The following HECW2 variants were observed in gnomAD, a reference collection of about 807,000 sequenced individuals.
HECW2 encodes E3 ubiquitin-protein ligase HECW2.
In HECW2, 61 loss-of-function variants were observed where a neutral mutation model predicts 175.2. The ratio of observed to expected loss-of-function variants is 0.35; its 90% confidence interval spans 0.28 to 0.43. The LOEUF (loss-of-function observed/expected upper bound fraction) is 0.43. HECW2 is among the 20% of genes least tolerant of loss of function. HECW2 has a pLI of 1.00. For synonymous variants in HECW2, 671 were observed against 731.0 expected, an observed-to-expected ratio of 0.92 and a Z score of 1.32; for missense variants, 1,524 against 2,000.5, an observed-to-expected ratio of 0.76 and a Z score of 4.54.
chr2:196,468,940 T>C (rs1329125839), intron 1 of HECW2, among the ~76,000 whole-genome samples: 1 of 152,218 alleles, frequency 6.6e-6, no homozygotes, highest in Non-Finnish European at 1.5e-5. Flanking sequence ...AAAATGTTTT[T>C]TAGCAGGCTA....
chr2:196,499,502 G>A (rs1366583385), intron 1 of HECW2, among the ~76,000 whole-genome samples: 1 of 152,038 alleles, frequency 6.6e-6, no homozygotes, highest in East Asian at 1.9e-4. Flanking sequence ...TCAAAGCAGG[G>A]GACCCTGTAA....
At chr2:196,232,868 G>A (rs1368009541) in intron 21 of HECW2, among the ~76,000 whole-genome samples, 1 of 152,222 alleles carries the variant, frequency 6.6e-6, no homozygotes, top group South Asian at 2.1e-4. Flanking sequence ...GAGAAAATGT[G>A]TCTTCAACTG....
intron 13 of HECW2, among the ~76,000 whole-genome samples, chr2:196,299,845 C>T (rs35821303): frequency 0.032 from 4,826 of 151,898 alleles, 134 homozygotes; most frequent in South Asian, 0.088. Flanking sequence ...AGGAGAATGG[C>T]GTGAACCCAG....
chr2:196,339,302 T>C (rs1028386949), intron 3 of HECW2, among the ~76,000 whole-genome samples: 1 of 152,192 alleles, frequency 6.6e-6, no homozygotes, highest in African/African-American at 2.4e-5. Flanking sequence ...GGTACCAACC[T>C]GAGCACCACT....
At chr2:196,430,926 T>G (rs987640928) in intron 2 of HECW2, among the ~76,000 whole-genome samples, 2 of 152,052 alleles carry the variant, frequency 1.3e-5, no homozygotes, top group African/African-American at 4.8e-5. Context: ...AAACATTAAC[T>G]TACGAAGCTC....
chr2:196,580,106 T>C (rs1559186301), intron 1 of HECW2, among the ~76,000 whole-genome samples: 1 of 152,140 alleles, frequency 6.6e-6, no homozygotes, highest in Non-Finnish European at 1.5e-5. Flanking sequence ...TCTGTAATGA[T>C]AAAAGGATCA....
Position 196,305,477 on chromosome 2 carries a change from AC to A in HECW2, c.2814+1010del, listed in dbSNP as rs1439965507. On this transcript the variant is annotated intron_variant, in intron 13 of 28. Transcript: ENST00000644978. ...ATTAATATATACTAATTACCTCACC[AC>A]ATACTCCTGGTGATAGGACTATGTT... Among the ~76,000 whole-genome samples the A allele has an allele frequency of 2.0e-5, 3 of 152,150 alleles. No homozygotes were observed. The East Asian group carries it at 5.8e-4, about 29-fold the overall frequency.
At chr2:196,254,872 T>C (rs1481009733) in intron 18 of HECW2, among the ~76,000 whole-genome samples, 2 of 152,218 alleles carry the variant, frequency 1.3e-5, no homozygotes, top group Non-Finnish European at 2.9e-5. Context: ...TTATTGGCTA[T>C]TCATACTTCC....
At chr2:196,417,633 G>C (rs1695290654) in intron 2 of HECW2, among the ~76,000 whole-genome samples, 1 of 152,148 alleles carries the variant, frequency 6.6e-6, no homozygotes, top group Admixed American at 6.5e-5. Flanking sequence ...TCACATGATG[G>C]ACCAGAAAAC....
chr2:196,550,585 T>C (rs1161092064), intron 1 of HECW2, among the ~76,000 whole-genome samples: 1 of 152,234 alleles, frequency 6.6e-6, no homozygotes, highest in Non-Finnish European at 1.5e-5. Context: ...TTTTACCACA[T>C]ATCCTTCCAG....
intron 1 of HECW2, among the ~76,000 whole-genome samples, chr2:196,486,778 C>T (rs1488088553): frequency 6.6e-6 from 1 of 152,164 alleles, no homozygotes; most frequent in Non-Finnish European, 1.5e-5. Flanking sequence ...TCAGTGTCCA[C>T]CTCTTATCCA....
At chr2:196,519,348 T>G (rs1456451429) in intron 1 of HECW2, among the ~76,000 whole-genome samples, 1 of 152,120 alleles carries the variant, frequency 6.6e-6, no homozygotes, top group Non-Finnish European at 1.5e-5. Context: ...TCTCCCACAA[T>G]GTACTCAACA....
chr2:196,504,547 A>T (rs1309718088), intron 1 of HECW2, among the ~76,000 whole-genome samples: 2 of 152,124 alleles, frequency 1.3e-5, no homozygotes, highest in Non-Finnish European at 1.5e-5. Context: ...CCACCATGCA[A>T]ATGCTATGGT....
At chr2:196,572,806 A>G (rs1466421860) in intron 1 of HECW2, among the ~76,000 whole-genome samples, 1 of 152,170 alleles carries the variant, frequency 6.6e-6, no homozygotes, top group Non-Finnish European at 1.5e-5. Context: ...CACAGCCACA[A>G]GACAGCTGTC....
intron 1 of HECW2, among the ~76,000 whole-genome samples, chr2:196,547,684 A>G (rs1288808122): frequency 6.6e-6 from 1 of 152,224 alleles, no homozygotes; most frequent in African/African-American, 2.4e-5. Context: ...TTCACATTTA[A>G]CAGTCAAGAG....
chr2:196,210,815 G>T (rs111812449), intron 28 of HECW2, among the ~76,000 whole-genome samples: 2,170 of 151,300 alleles, frequency 0.014, 54 homozygotes, highest in African/African-American at 0.05. Flanking sequence ...TAGAGATGGG[G>T]GTTTCACCAT....
In HECW2 at chr2:196,307,219, C is replaced by A. The variant is rs145526330; in HGVS notation, c.2600G>T (p.Arg867Leu). Residue 867 changes from arginine to leucine, a missense_variant, in exon 12 of 29, where the codon CGC becomes CTC. By Grantham distance (102) the Arg-to-Leu change is moderately radical. Transcript: ENST00000644978. Reference sequence around the variant, plus strand: ...AGGCCTCTCATTGGTCATGGTTCTGCGGATACTCTGATATCTAAAATCATG... The same window carrying A: ...AGGCCTCTCATTGGTCATGGTTCTGAGGATACTCTGATATCTAAAATCATG... ...EQLNRRYQSI[R>L]RTMTNERPEE... The A allele has an allele frequency of 1.2e-6, 2 of 1,610,116 alleles. No homozygotes were observed. Among genetic ancestry groups the A allele is most frequent in the African/African-American group, 1.3e-5 (1 of 74,822 alleles).
chr2:196,266,404 G>A (rs1689521404), intron 17 of HECW2, among the ~76,000 whole-genome samples: 9 of 151,946 alleles, frequency 5.9e-5, no homozygotes, highest in Admixed American at 5.9e-4. Flanking sequence ...TATGTAAACT[G>A]TCTGTAGGAA....
At chr2:196,325,810 A>C (rs535003543) in intron 5 of HECW2, among the ~76,000 whole-genome samples, 1 of 152,376 alleles carries the variant, frequency 6.6e-6, no homozygotes, top group South Asian at 2.1e-4. Flanking sequence ...AAAGTAACTT[A>C]AATATTTGAA....
Sources: allele counts gnomAD v4.1 joint callset (sites outside exome capture counted in the v4.1 genomes callset), GRCh38; gene constraint gnomAD v4.1.1; transcripts MANE v1.5; gene names NCBI Gene and HGNC (gene_info 2026-07-23, HGNC 2026-07-21).